The following ANKS6 variants were observed in gnomAD, a reference collection of about 807,000 sequenced individuals.
ANKS6 encodes the protein ankyrin repeat and SAM domain-containing protein 6.
A neutral mutation model predicts 77.9 loss-of-function variants in ANKS6; 47 were observed. The ratio of observed to expected loss-of-function variants is 0.60; its 90% confidence interval spans 0.48 to 0.77. The LOEUF is 0.77. ANKS6 is among the 30% of genes least tolerant of loss of function. ANKS6 has a pLI of 0.00. For synonymous variants in ANKS6, 488 were observed against 501.7 expected, an observed-to-expected ratio of 0.97 and a Z score of 0.37; for missense variants, 1,150 against 1,159.1, an observed-to-expected ratio of 0.99 and a Z score of 0.11.
In ANKS6 at chr9:98,736,111, C is replaced by T. The variant is rs866215199; in HGVS notation, c.*408G>A. The T allele has an allele frequency of 6.1e-5, 70 of 1,147,128 alleles. No individual in the cohort carries two copies. Among genetic ancestry groups the T allele is most frequent in the Middle Eastern group, 7.1e-4 (2 of 2,798 alleles). 71.1% of individuals were successfully genotyped at this position (1,147,128 alleles called of 1,614,324 possible). ...ACATGACTACCAGTGGCCAAGAGGA[C>T]GTGAGCAGGAGTGATGTGTGTCAGT... On this transcript the variant is annotated 3_prime_UTR_variant, in exon 15 of 15. Coordinates refer to ENST00000353234, the MANE Select transcript of ANKS6 (RefSeq NM_173551.5).
Position 98,732,330 on chromosome 9 carries a change from T to A in ANKS6, c.*4189A>T, listed in dbSNP as rs796271533. ...AAAAGGGACGAGTTCCCTGCCCCCT[T>A]TTTACCCGCTGGATCAGCTTCTACG... On this transcript the variant is annotated 3_prime_UTR_variant, in exon 15 of 15. Transcript: ENST00000353234. 35 of 777,638 alleles carry A rather than the reference T, an allele frequency of 4.5e-5. No homozygotes were observed. In the African/African-American group the frequency reaches 4.9e-4, roughly 11 times the overall value. The allele number at this position is 777,638 out of a possible 1,614,324, so 48.2% of individuals were successfully genotyped here. A position where few individuals can be genotyped will look rare whatever the true frequency, so the allele number is the denominator to read the frequency against.
In ANKS6 at chr9:98,745,662, G is replaced by T. The variant is rs745689147; in HGVS notation, c.2408C>A (p.Ala803Glu). Reference sequence around the variant, plus strand: ...GTCACCGTCAGTCAGTGTGAGGAACGCTTCCATGTCCACCTGGGGAGAGAG... The same window carrying T: ...GTCACCGTCAGTCAGTGTGAGGAACTCTTCCATGTCCACCTGGGGAGAGAG... ...IFEEQEVDME[A>E]FLTLTDGDLK... The change falls in exon 14 of 15, where the codon GCG (alanine) becomes GAG (glutamate). Residue 803 changes from alanine (A) to glutamate (E), a missense_variant. Transcript: ENST00000353234. 2.5e-6 allele frequency: 4 copies of T among 1,613,736 alleles called. No homozygotes were observed. In the African/African-American group the frequency reaches 4.0e-5, roughly 16 times the overall value.
In ANKS6 at chr9:98,733,017, T is replaced by C. The variant is rs1255802080; in HGVS notation, c.*3502A>G. 2.2e-6 allele frequency: 2 copies of C among 902,406 alleles called. No individual in the cohort carries two copies. The highest frequency in any genetic ancestry group is 3.6e-5 in the African/African-American group (2 of 55,506). The allele number at this position is 902,406 out of a possible 1,614,324, so 55.9% of individuals were successfully genotyped here. On this transcript the variant is annotated 3_prime_UTR_variant, in exon 15 of 15. Transcript: ENST00000353234. ...TGCCCAGGCTGAGCCTGAGCCATCATCGATGACTTTCCCTGAGCTGTATAC... is the reference window on the plus strand; with the variant it reads ...TGCCCAGGCTGAGCCTGAGCCATCACCGATGACTTTCCCTGAGCTGTATAC...
chr9:98,744,483 G>C (rs915177089), intron 14 of ANKS6, among the ~76,000 whole-genome samples: 1 of 152,202 alleles, frequency 6.6e-6, no homozygotes. Flanking sequence ...CAAGGTAAGT[G>C]TAAGGACATC....
At chr9:98,737,060 A>C (rs1260176281) in intron 14 of ANKS6, among the ~76,000 whole-genome samples, 1 of 152,202 alleles carries the variant, frequency 6.6e-6, no homozygotes, top group Non-Finnish European at 1.5e-5. Flanking sequence ...CCCTTTGCCC[A>C]AAAGCTGCCG....
At position 98,733,558 on chromosome 9, in the gene ANKS6, G is replaced by A. The variant is rs1290705249; in HGVS notation, c.*2961C>T. 1 of 985,498 alleles carries A rather than the reference G, an allele frequency of 1.0e-6. No homozygotes were observed. The allele number at this position is 985,498 out of a possible 1,614,324, so 61.0% of individuals were successfully genotyped here. ...CCAAGGGCCCTGACCCACTTCCAGG[G>A]CTGCAAGGCCTCTTGGTTGCCGCTG... On this transcript the variant is annotated 3_prime_UTR_variant, in exon 15 of 15. Transcript: ENST00000353234.
chr9:98,766,132 T>C (rs1157442051), intron 11 of ANKS6, among the ~76,000 whole-genome samples: 1 of 152,236 alleles, frequency 6.6e-6, no homozygotes, highest in African/African-American at 2.4e-5. Flanking sequence ...CATAACATAC[T>C]ATTAACATTA....
At chr9:98,788,658 G>A (rs551039628) in intron 2 of ANKS6, among the ~76,000 whole-genome samples, 36 of 152,274 alleles carry the variant, frequency 2.4e-4, no homozygotes, top group African/African-American at 7.9e-4. Context: ...CCACCACCCC[G>A]TAGTAGTTGT....
chr9:98,789,753 T>C (rs41283628), intron 2 of ANKS6, among the ~76,000 whole-genome samples: 8 of 152,328 alleles, frequency 5.3e-5, no homozygotes, highest in Non-Finnish European at 8.8e-5. Flanking sequence ...AGAGACTGTA[T>C]GGTCCATACA....
intron 12 of ANKS6, among the ~76,000 whole-genome samples, chr9:98,755,215 C>G (rs903391571): frequency 2.2e-4 from 34 of 152,294 alleles, no homozygotes; most frequent in African/African-American, 7.7e-4. Flanking sequence ...CTCAGCAGAA[C>G]CTGCTCAGCA....
At chr9:98,759,026 T>C (rs1832869722) in intron 11 of ANKS6, among the ~76,000 whole-genome samples, 1 of 152,244 alleles carries the variant, frequency 6.6e-6, no homozygotes, top group Non-Finnish European at 1.5e-5. Flanking sequence ...ATAGTTTGCA[T>C]TCTATCTTTG....
Position 98,734,904 on chromosome 9 carries a change from G to GT in ANKS6, c.*1614dup. ...CTGTGGAAAGTTGGCTTCTGTGAGTGTAAGGCTGAGAGAATTTAAAGGAAA... is the reference window on the plus strand; with the variant it reads ...CTGTGGAAAGTTGGCTTCTGTGAGTGTTAAGGCTGAGAGAATTTAAAGGAAA... On this transcript the variant is annotated 3_prime_UTR_variant, in exon 15 of 15. Coordinates refer to ENST00000353234, the MANE Select transcript of ANKS6 (RefSeq NM_173551.5). The GT allele has an allele frequency of 1.0e-6, 1 of 985,474 alleles. No individual in the cohort carries two copies. The allele number at this position is 985,474 out of a possible 1,614,324, so 61.0% of individuals were successfully genotyped here.
In ANKS6 at chr9:98,732,490, C is replaced by A; in HGVS notation, c.*4029G>T. ...CTGTGGGCTCCGATGCCAGCAGAGCCACCTGAGCGGCTGCTACCTCTTGCC... is the reference window on the plus strand; with the variant it reads ...CTGTGGGCTCCGATGCCAGCAGAGCAACCTGAGCGGCTGCTACCTCTTGCC... On this transcript the variant is annotated 3_prime_UTR_variant, in exon 15 of 15. Transcript: ENST00000353234. 6.4e-7 allele frequency: 1 copy of A among 1,550,540 alleles called. No individual in the cohort carries two copies. The highest frequency in any genetic ancestry group is 8.7e-7 in the Non-Finnish European group (1 of 1,146,984).
rs1831288076 is a variant in ANKS6, at chr9:98,733,031, T to C, written c.*3488A>G. ...CTGAGCCATCATCGATGACTTTCCC[T>C]GAGCTGTATACCCAGCAGGCTTCAT... On this transcript the variant is annotated 3_prime_UTR_variant, in exon 15 of 15. Transcript: ENST00000353234. 6 of 858,912 alleles carry C rather than the reference T, an allele frequency of 7.0e-6. No homozygotes were observed. The highest frequency in any genetic ancestry group is 8.5e-6 in the Non-Finnish European group (6 of 707,328). The allele number at this position is 858,912 out of a possible 1,614,324, so 53.2% of individuals were successfully genotyped here.
Position 98,790,493 on chromosome 9 carries a change from C to A in ANKS6, c.473G>T (p.Gly158Val), listed in dbSNP as rs756866172. 8 of 1,613,408 alleles carry A rather than the reference C, an allele frequency of 5.0e-6. No individual in the cohort carries two copies. The highest frequency in any genetic ancestry group is 6.8e-6 in the Non-Finnish European group (8 of 1,179,992). ...GGCTTCCAGGAGCAGCTTCACCACA[C>A]CCAGGTGGCCGCCCCGAGAAGCCAC... ...LTVASRGGHL[G>V]VVKLLLEAGA... The change falls in exon 2 of 15, where the codon GGT (glycine) becomes GTT (valine). Residue 158 changes from glycine to valine, a missense_variant. By Grantham distance (109) the Gly-to-Val change is moderately radical. Coordinates refer to ENST00000353234, the MANE Select transcript of ANKS6 (RefSeq NM_173551.5).
chr9:98,765,066 C>T (rs531677694), intron 11 of ANKS6, among the ~76,000 whole-genome samples: 2 of 152,216 alleles, frequency 1.3e-5, no homozygotes, highest in Admixed American at 1.3e-4. Context: ...GAAGACCCTC[C>T]CTGAGGTTTT....
intron 14 of ANKS6, among the ~76,000 whole-genome samples, chr9:98,743,485 C>A (rs1831950936): frequency 6.6e-6 from 1 of 152,204 alleles, no homozygotes; most frequent in South Asian, 2.1e-4. Flanking sequence ...TCTGCCTGCT[C>A]CGCACTTTTC....
In ANKS6 at chr9:98,755,281, G is replaced by A. The variant is rs552722530; in HGVS notation, c.2326+1139C>T. ...CCGCAAACGCATTTGTGAGGGCCAC[G>A]AACACAATCAGATTTTCCTCCCTGC... On this transcript the variant is annotated intron_variant, in intron 12 of 14. Transcript: ENST00000353234. Among the ~76,000 whole-genome samples, 3 of 152,234 alleles carry A rather than the reference G, an allele frequency of 2.0e-5. No homozygotes were observed. The South Asian group carries it at 6.2e-4, about 32-fold the overall frequency.
rs145249233 is a variant in ANKS6, at chr9:98,790,351, G to A, written c.615C>T (p.Ala205=). The A allele has an allele frequency of 1.3e-3, 2,104 of 1,613,052 alleles. 55 individuals are homozygous for A. In the East Asian group the frequency reaches 0.04, roughly 30 times the overall value. ...CCCACTCCATCAGTAGACGCACCAC[G>A]GCCTCGTGCCCGTGCTGGATGGCAG... ...LMAAIQHGHE[A]VVRLLMEWGA... is the part of the protein sequence containing the mutation. The change falls in exon 2 of 15, where the codon GCC becomes GCT. Residue 205 remains alanine (A), a synonymous_variant. Transcript: ENST00000353234.
Sources: gnomAD v4.1 joint callset for allele counts (sites outside exome capture counted in the v4.1 genomes callset) on GRCh38, gnomAD v4.1.1 for gene constraint, MANE v1.5 for transcripts, NCBI Gene and HGNC (gene_info 2026-07-23, HGNC 2026-07-21) for gene names.